The following XKR9 variants were observed in gnomAD, a reference collection of about 807,000 sequenced individuals.
XKR9 encodes XK related 9.
Under a neutral mutation model 32.0 loss-of-function variants are expected in XKR9, and 32 were observed. The ratio of observed to expected loss-of-function variants is 1.00; its 90% confidence interval spans 0.76 to 1.34. The LOEUF (loss-of-function observed/expected upper bound fraction) is 1.34. Among genes scored for constraint, XKR9 ranks in the 40% most tolerant of loss-of-function variants. XKR9 has a pLI of 0.00. For synonymous variants in XKR9, 168 were observed against 143.4 expected (o/e 1.17, Z -1.22); for missense variants, 546 against 429.7 (o/e 1.27, Z -2.39).
At chr8:71,026,090 C>A in the XKR9 span, among the ~76,000 whole-genome samples, 21 of 152,170 alleles carry the variant, frequency 1.4e-4, no homozygotes, top group Non-Finnish European at 2.4e-4. Flanking sequence ...TGCCAAAATT[C>A]AAATCTTTGA....
the XKR9 span, among the ~76,000 whole-genome samples, chr8:70,815,560 C>G: frequency 8.0e-6 from 1 of 125,300 alleles, no homozygotes; most frequent in African/African-American, 3.1e-5. Flanking sequence ...GAGTCTCACT[C>G]TGTCACCCAG....
the XKR9 span, among the ~76,000 whole-genome samples, chr8:70,847,354 G>A: frequency 1.3e-5 from 2 of 151,852 alleles, no homozygotes; most frequent in Non-Finnish European, 2.9e-5. Context: ...GTTCTATAAG[G>A]AAGTTTATAT....
chr8:71,034,353 G>A, the XKR9 span, among the ~76,000 whole-genome samples: 8 of 152,074 alleles, frequency 5.3e-5, no homozygotes, highest in Admixed American at 4.6e-4. Context: ...AGACATGTTT[G>A]CTTCCCTTTC....
the XKR9 span, among the ~76,000 whole-genome samples, chr8:70,994,741 T>G: frequency 2.4e-5 from 3 of 123,554 alleles, no homozygotes; most frequent in Non-Finnish European, 5.5e-5. Context: ...TTAGATGTTA[T>G]ATTCTGTTTT....
chr8:71,018,706 TTAGCAAGGATGGGAAAG>T, the XKR9 span, among the ~76,000 whole-genome samples: 1 of 152,100 alleles, frequency 6.6e-6, no homozygotes, highest in Non-Finnish European at 1.5e-5. Flanking sequence ...GGATGGGAAA[TTAGCAAGGATGGGAAAG>T]TATTTGTTAG....
At chr8:70,691,223 C>T (rs1027168014) in intron 3 of XKR9, among the ~76,000 whole-genome samples, 5 of 152,116 alleles carry the variant, frequency 3.3e-5, no homozygotes, top group African/African-American at 1.2e-4. Flanking sequence ...TGAGAGGGGT[C>T]TGTTCATGTC....
At chr8:71,057,459 C>T in the XKR9 span, among the ~76,000 whole-genome samples, 9 of 152,294 alleles carry the variant, frequency 5.9e-5, no homozygotes, top group Non-Finnish European at 1.0e-4. Context: ...GACATTCTCC[C>T]TAAGTCCTGT....
At chr8:70,678,029 G>A (rs981757376) in intron 2 of XKR9, 1 of 152,232 alleles carries the variant, frequency 6.6e-6, no homozygotes, top group Middle Eastern at 3.4e-3. Flanking sequence ...TGTTTTTGAA[G>A]GATTCAAAAT....
At chr8:70,951,376 G>GA in the XKR9 span, among the ~76,000 whole-genome samples, 2 of 152,236 alleles carry the variant, frequency 1.3e-5, no homozygotes, top group Non-Finnish European at 2.9e-5. Context: ...TGGGGTGGGG[G>GA]ACAGGGCTAG....
chr8:70,790,918 G>T (rs1807755828), downstream of XKR9, among the ~76,000 whole-genome samples: 1 of 152,002 alleles, frequency 6.6e-6, no homozygotes, highest in Non-Finnish European at 1.5e-5. Context: ...CCTTCTTGCT[G>T]TGTCCTTACA....
the XKR9 span, among the ~76,000 whole-genome samples, chr8:70,906,043 G>GGA: frequency 6.6e-6 from 1 of 152,192 alleles, no homozygotes; most frequent in Non-Finnish European, 1.5e-5. Flanking sequence ...GCCACTACTG[G>GGA]GAGGCATCTC....
chr8:70,707,068 A>C lies in XKR9; in HGVS notation c.408A>C (p.Leu136=). 1 of 1,613,496 alleles carries C rather than the reference A, an allele frequency of 6.2e-7. No individual in the cohort carries two copies. Among genetic ancestry groups the C allele is most frequent in the Non-Finnish European group, 8.5e-7 (1 of 1,179,528 alleles). ...TGACTGATTTGAGCATGCTCAGACT[A>C]TTTGAGACCTACCTGGAAGGCTGCC... ...DRVTDLSMLR[L]FETYLEGCPQ... Residue 136 remains leucine (L), a synonymous_variant, in exon 4 of 5, where the codon CTA becomes CTC. Coordinates refer to ENST00000408926, the MANE Select transcript of XKR9 (RefSeq NM_001011720.2).
the XKR9 span, among the ~76,000 whole-genome samples, chr8:70,801,245 T>C: frequency 6.6e-6 from 1 of 152,114 alleles, no homozygotes; most frequent in African/African-American, 2.4e-5. Flanking sequence ...TTCCTCTAGG[T>C]GTGGTGCTGG....
chr8:71,042,733 C>G, the XKR9 span, among the ~76,000 whole-genome samples: 1 of 151,942 alleles, frequency 6.6e-6, no homozygotes, highest in South Asian at 2.1e-4. Flanking sequence ...TTATGTGGAC[C>G]ACACTAAAAG....
At chr8:71,064,797 A>G in the XKR9 span, among the ~76,000 whole-genome samples, 4 of 152,170 alleles carry the variant, frequency 2.6e-5, no homozygotes, top group South Asian at 8.3e-4. Flanking sequence ...TAGATAGCCA[A>G]GGGAAAGAAT....
chr8:71,049,289 T>G, the XKR9 span, among the ~76,000 whole-genome samples: 1 of 152,194 alleles, frequency 6.6e-6, no homozygotes, highest in South Asian at 2.1e-4. Flanking sequence ...TCTGTCTTCA[T>G]TGAATTTACA....
At chr8:70,753,059 G>A (rs142025375) in intron 2 of XKR9, among the ~76,000 whole-genome samples, 13,156 of 152,054 alleles carry the variant, frequency 0.087, 1,150 homozygotes, top group Admixed American at 0.27. Flanking sequence ...TCAAATAGAC[G>A]CAATAAAAAA....
At chr8:71,030,345 T>C in the XKR9 span, among the ~76,000 whole-genome samples, 2 of 152,212 alleles carry the variant, frequency 1.3e-5, no homozygotes, top group African/African-American at 2.4e-5. Context: ...TTTTATATTG[T>C]GTGATCCTCA....
At chr8:70,785,773 A>ATG (rs1807680155) in intron 2 of XKR9, among the ~76,000 whole-genome samples, 1 of 147,712 alleles carries the variant, frequency 6.8e-6, no homozygotes, top group Non-Finnish European at 1.5e-5. Context: ...ATGTGTATAT[A>ATG]TGTATATATA....
Sources: allele counts gnomAD v4.1 joint callset (sites outside exome capture counted in the v4.1 genomes callset), GRCh38; gene constraint gnomAD v4.1.1; transcripts MANE v1.5; gene names NCBI Gene and HGNC (gene_info 2026-07-23, HGNC 2026-07-21).